FNDC4: variants seen among roughly 807,000 people sequenced by gnomAD.
FNDC4 encodes fibronectin type III domain-containing protein 4.
Under a neutral mutation model 25.1 loss-of-function variants are expected in FNDC4, and 11 were observed. The observed-to-expected ratio is 0.44, with a 90% CI of 0.28 to 0.73. The LOEUF (loss-of-function observed/expected upper bound fraction) is 0.73. Among genes scored for constraint, FNDC4 ranks in the 30% least tolerant of loss-of-function variants. FNDC4 has a pLI of 0.16. For missense variants in FNDC4, 250 were observed against 304.3 expected, an observed-to-expected ratio of 0.82 and a Z score of 1.33; for synonymous variants, 136 against 118.8, an observed-to-expected ratio of 1.14 and a Z score of -0.94.
At chr2:27,493,607 C>G in intron 4 of FNDC4, 129 bp from the exon 5 acceptor site, 1 of 834,996 alleles carries the variant, frequency 1.2e-6, no homozygotes, top group Non-Finnish European at 2.0e-6. Context: ...TGTAGGGTAG[C>G]CCCTCCCTGG....
Position 27,492,723 on chromosome 2 carries a change from C to T in FNDC4, c.612G>A (p.Lys204=), listed in dbSNP as rs2148573671. The part of the protein sequence containing the change: ...IKDNDSNNNP[K]EKGKGPEQSP... ...TCTGTTCCGGCCCCTTTCCCTTCTC[C>T]TTGGGATTGTTGTTGGAGTCATTGT... The change falls in exon 6 of 7, where the codon AAG becomes AAA. Residue 204 remains lysine, a synonymous_variant. Transcript: ENST00000264703. This position sits in a 1 kb window ranked among gnomAD's most constrained non-coding sequence, Gnocchi z 4.1. The T allele has an allele frequency of 6.2e-7, 1 of 1,614,150 alleles. No individual in the cohort carries two copies. Among genetic ancestry groups the T allele is most frequent in the Non-Finnish European group, 8.5e-7 (1 of 1,180,016 alleles).
rs756868473 is a variant in FNDC4 at position 27,492,452 on chromosome 2, G to A, written c.696C>T (p.Ile232=). The A allele has an allele frequency of 1.2e-5, 20 of 1,614,104 alleles. No homozygotes were observed. The highest frequency in any genetic ancestry group is 5.5e-5 in the South Asian group (5 of 91,082). Residue 232 remains isoleucine (I), a synonymous_variant, in exon 7 of 7, where the codon ATC becomes ATT. Transcript: ENST00000264703. This position sits in a 1 kb window ranked among gnomAD's most constrained non-coding sequence, Gnocchi z 4.1. The part of the protein sequence containing the change: ...RQKKSPSINT[I]DV ...GGGTGTGTTTCTTCACTCAAACGTC[G>A]ATGGTGTTGATAGATGGTGACTTTT...
Position 27,494,584 on chromosome 2 carries a change from G to T in FNDC4, c.96C>A (p.Leu32=). 6.2e-7 allele frequency: 1 copy of T among 1,612,916 alleles called. No individual in the cohort carries two copies. The highest frequency in any genetic ancestry group is 8.5e-7 in the Non-Finnish European group (1 of 1,179,510). ...PLSPYLSPTV[L]LLVSCDLGFV... ...AGCCCAGGTCACAGCTGACCAGCAG[G>T]AGGACCGTGGGGCTTAGATATGGGG... Residue 32 remains leucine (L), a synonymous_variant, in exon 2 of 7, where the codon CTC becomes CTA. Coordinates refer to ENST00000264703, the MANE Select transcript of FNDC4 (RefSeq NM_022823.3). This position sits in a 1 kb window ranked among gnomAD's most constrained non-coding sequence, Gnocchi z 4.6.
At position 27,492,590 on chromosome 2, in the gene FNDC4, T is replaced by G. The variant is rs770813083; in HGVS notation, c.669+76A>C. 94 of 1,606,722 alleles carry G rather than the reference T, an allele frequency of 5.9e-5. 1 individual carries two copies. The highest frequency in any genetic ancestry group is 7.3e-5 in the Non-Finnish European group (86 of 1,173,476). ...CATTCTCCATCTTTTTCTGCCCCTC[T>G]TTGACCTTCTTCCTTTCCCTGGCTG... is the stretch of plus-strand genomic sequence containing the variant. On this transcript the variant is annotated intron_variant, in intron 6 of 6. Transcript: ENST00000264703. The surrounding 1 kb of genome is among the most constrained non-coding windows in gnomAD (Gnocchi z 4.1).
Position 27,493,474 on chromosome 2 carries a change from G to A in FNDC4, c.459C>T (p.Asp153=), listed in dbSNP as rs769661406. 47 of 1,612,618 alleles carry A rather than the reference G, an allele frequency of 2.9e-5. No homozygotes were observed. The Admixed American group carries it at 7.8e-4, about 27-fold the overall frequency. Reference sequence around the variant, plus strand: ...CTCCATCCAGACCTTCCACTGTGATGTCACCTGAGAAGGGAGAAGGCAGAA... The same window carrying A: ...CTCCATCCAGACCTTCCACTGTGATATCACCTGAGAAGGGAGAAGGCAGAA... The part of the protein sequence containing the change: ...RLPSNSSSPG[D]ITVEGLDGER... The change falls in exon 5 of 7, where the codon GAC becomes GAT. Residue 153 remains aspartate (D), a synonymous_variant. Transcript: ENST00000264703.
chr2:27,493,673 T>C (rs750845738), intron 4 of FNDC4, among the ~76,000 whole-genome samples, 195 bp from the exon 5 acceptor site: 6 of 152,142 alleles, frequency 3.9e-5, no homozygotes, highest in Non-Finnish European at 8.8e-5. Context: ...TGGCTGCAGG[T>C]TAATTACTCA....
intron 4 of FNDC4, 88 bp downstream of exon 4, chr2:27,493,842 C>T (rs1572854213): frequency 1.7e-6 from 2 of 1,204,996 alleles, no homozygotes; most frequent in East Asian, 4.7e-5. Context: ...CTATTCAACT[C>T]AGCTAGTCTG....
chr2:27,492,427 G>A lies in FNDC4; in HGVS notation c.*16C>T, dbSNP rs114950090. On this transcript the variant is annotated 3_prime_UTR_variant, in exon 7 of 7. Transcript: ENST00000264703. This position sits in a 1 kb window ranked among gnomAD's most constrained non-coding sequence, Gnocchi z 4.1. ...CCAGTTGTTAGTGCATCTCTCTTCT[G>A]GGTGTGTTTCTTCACTCAAACGTCG... 2 of 1,613,934 alleles carry A rather than the reference G, an allele frequency of 1.2e-6. No homozygotes were observed. The highest frequency in any genetic ancestry group is 4.5e-5 in the East Asian group (2 of 44,888).
chr2:27,492,599 C>A lies in FNDC4; in HGVS notation c.669+67G>T. 1.2e-6 allele frequency: 2 copies of A among 1,610,344 alleles called. No individual in the cohort carries two copies. Among genetic ancestry groups the A allele is most frequent in the Non-Finnish European group, 1.7e-6 (2 of 1,176,688 alleles). On this transcript the variant is annotated intron_variant, in intron 6 of 6. Coordinates refer to ENST00000264703, the MANE Select transcript of FNDC4 (RefSeq NM_022823.3). This position sits in a 1 kb window ranked among gnomAD's most constrained non-coding sequence, Gnocchi z 4.1. ...TCTTTTTCTGCCCCTCTTTGACCTT[C>A]TTCCTTTCCCTGGCTGCCCCTCAGG...
chr2:27,494,087 G>A lies in FNDC4; in HGVS notation c.297C>T (p.Thr99=). 6.2e-7 allele frequency: 1 copy of A among 1,614,148 alleles called. No homozygotes were observed. Among genetic ancestry groups the A allele is most frequent in the Non-Finnish European group, 8.5e-7 (1 of 1,180,032 alleles). Residue 99 remains threonine (T), a synonymous_variant, in exon 4 of 7, where the codon ACC becomes ACT. Coordinates refer to ENST00000264703, the MANE Select transcript of FNDC4 (RefSeq NM_022823.3). The surrounding 1 kb of genome is among the most constrained non-coding windows in gnomAD (Gnocchi z 4.6). ...GQRVIREVNT[T]TRACALWGLA... The stretch of plus-strand genomic sequence containing the variant: ...GGCCCCAGAGGGCACAGGCCCGGGT[G>A]GTGGTGTTCACCTCCCGAATCACAC...
At position 27,492,925 on chromosome 2, in the gene FNDC4, A is replaced by T. The variant is rs1558429235; in HGVS notation, c.545-135T>A. 10 of 869,126 alleles carry T rather than the reference A, an allele frequency of 1.2e-5. No homozygotes were observed. The highest frequency in any genetic ancestry group is 1.6e-5 in the Non-Finnish European group (9 of 547,340). The allele number at this position is 869,126 out of a possible 1,614,324, so 53.8% of individuals were successfully genotyped here. On this transcript the variant is annotated intron_variant, in intron 5 of 6. Transcript: ENST00000264703. This position sits in a 1 kb window ranked among gnomAD's most constrained non-coding sequence, Gnocchi z 4.1. ...TGCAGTCCTCCTCTCTGGGCTCTCA[A>T]CAGCCTCCTCTCCCTCTCTTCAAAG...
chr2:27,494,563 C>T lies in FNDC4; in HGVS notation c.117G>A (p.Leu39=). ...PTVLLLVSCD[L]GFVRADRPPS... Reference sequence around the variant, plus strand: ...TTTACTTACCTGCTCGCACGAAGCCCAGGTCACAGCTGACCAGCAGGAGGA... The same window carrying T: ...TTTACTTACCTGCTCGCACGAAGCCTAGGTCACAGCTGACCAGCAGGAGGA... The change falls in exon 2 of 7, where the codon CTG becomes CTA. Residue 39 remains leucine, a synonymous_variant. Transcript: ENST00000264703. This position sits in a 1 kb window ranked among gnomAD's most constrained non-coding sequence, Gnocchi z 4.6. 1 of 1,612,712 alleles carries T rather than the reference C, an allele frequency of 6.2e-7. No individual in the cohort carries two copies. The highest frequency in any genetic ancestry group is 8.5e-7 in the Non-Finnish European group (1 of 1,179,452).
intron 4 of FNDC4, 84 bp from the exon 5 acceptor site, chr2:27,493,562 G>C: frequency 9.1e-7 from 1 of 1,101,934 alleles, no homozygotes; most frequent in Non-Finnish European, 1.4e-6. Context: ...CTGGGGATTA[G>C]AAAGGGTGGA....
chr2:27,494,140 G>A lies in FNDC4; in HGVS notation c.250-6C>T, dbSNP rs1299119333. 4.3e-6 allele frequency: 7 copies of A among 1,612,668 alleles called. No homozygotes were observed. Among genetic ancestry groups the A allele is most frequent in the Non-Finnish European group, 5.1e-6 (6 of 1,179,368 alleles). On this transcript the variant is annotated splice_polypyrimidine_tract_variant and splice_region_variant and intron_variant, in intron 3 of 6. Coordinates refer to ENST00000264703, the MANE Select transcript of FNDC4 (RefSeq NM_022823.3). The surrounding 1 kb of genome is among the most constrained non-coding windows in gnomAD (Gnocchi z 4.6). ...TGCCCGGGGCCATTCTGCCGCTGCA[G>A]GGAGATGAGGGGAGAGGAGGACAGC...
Position 27,492,185 on chromosome 2 carries a change from T to C in FNDC4, c.*258A>G, listed in dbSNP as rs1669273443. 3.5e-6 allele frequency: 2 copies of C among 566,520 alleles called. No homozygotes were observed. Among genetic ancestry groups the C allele is most frequent in the South Asian group, 2.3e-5 (1 of 43,312 alleles). The allele number at this position is 566,520 out of a possible 1,614,324, so 35.1% of individuals were successfully genotyped here. ...GGGACCTAATGGAGTAGGGTACAAC[T>C]AGTGACTCTCCCCTGGACCGGGGAA... On this transcript the variant is annotated 3_prime_UTR_variant, in exon 7 of 7. Transcript: ENST00000264703. This position sits in a 1 kb window ranked among gnomAD's most constrained non-coding sequence, Gnocchi z 4.1.
chr2:27,493,495 C>T lies in FNDC4; in HGVS notation c.455-17G>A. 1 of 1,597,318 alleles carries T rather than the reference C, an allele frequency of 6.3e-7. No individual in the cohort carries two copies. On this transcript the variant is annotated splice_polypyrimidine_tract_variant and intron_variant, in intron 4 of 6. Coordinates refer to ENST00000264703, the MANE Select transcript of FNDC4 (RefSeq NM_022823.3). ...TGATGTCACCTGAGAAGGGAGAAGG[C>T]AGAAGGCAGACTCCAGGTTACTGGG...
Position 27,492,089 on chromosome 2 carries a change from G to T in FNDC4, c.*354C>A. 1 of 339,932 alleles carries T rather than the reference G, an allele frequency of 2.9e-6. No homozygotes were observed. The highest frequency in any genetic ancestry group is 5.0e-5 in the East Asian group (1 of 20,062). 21.1% of individuals were successfully genotyped at this position (339,932 alleles called of 1,614,324 possible). ...ACCCACAGAAACACCCCTCTCTGAG[G>T]GCCAGAGGCAAGATGTGGGGCAGCT... On this transcript the variant is annotated 3_prime_UTR_variant, in exon 7 of 7. Coordinates refer to ENST00000264703, the MANE Select transcript of FNDC4 (RefSeq NM_022823.3). This position sits in a 1 kb window ranked among gnomAD's most constrained non-coding sequence, Gnocchi z 4.1.
chr2:27,495,057 G>C lies in FNDC4; in HGVS notation c.-204C>G, dbSNP rs1044752316. 1.3e-5 allele frequency: 2 copies of C among 156,378 alleles called. No homozygotes were observed. Among genetic ancestry groups the C allele is most frequent in the African/African-American group, 4.8e-5 (2 of 41,508 alleles). 9.7% of individuals were successfully genotyped at this position (156,378 alleles called of 1,614,324 possible). ...CGGGTCTGCGGAGCCCCCAGGGCTC[G>C]AGCGGGCCACGGAGTCTGTCCGGGA... On this transcript the variant is annotated 5_prime_UTR_variant, in exon 1 of 7. Coordinates refer to ENST00000264703, the MANE Select transcript of FNDC4 (RefSeq NM_022823.3).
Position 27,494,402 on chromosome 2 carries a change from G to A in FNDC4, c.198C>T (p.Ser66=), listed in dbSNP as rs868340223. Residue 66 remains serine (S), a synonymous_variant, in exon 3 of 7, where the codon TCC becomes TCT. Coordinates refer to ENST00000264703, the MANE Select transcript of FNDC4 (RefSeq NM_022823.3). This position sits in a 1 kb window ranked among gnomAD's most constrained non-coding sequence, Gnocchi z 4.6. ...THLRANSATV[S]WDVPEGNIVI... The stretch of plus-strand genomic sequence containing the variant: ...CGATGTTGCCTTCTGGGACGTCCCA[G>A]GACACAGTGGCCGAGTTGGCTCTGA... 8.1e-6 allele frequency: 13 copies of A among 1,614,232 alleles called. No homozygotes were observed. The highest frequency in any genetic ancestry group is 1.1e-5 in the Non-Finnish European group (13 of 1,180,032).
Sources: gnomAD v4.1 joint callset for allele counts (sites outside exome capture counted in the v4.1 genomes callset) on GRCh38, gnomAD v4.1.1 for gene constraint, Gnocchi (gnomAD v3.1) non-coding constraint, MANE v1.5 for transcripts, NCBI Gene and HGNC (gene_info 2026-07-23, HGNC 2026-07-21) for gene names.